Variants in DTNA observed in about 807,000 individuals in gnomAD.
The protein encoded by DTNA is dystrobrevin alpha, also known as dystrophin-related protein 3.
Under a neutral mutation model 100.7 loss-of-function variants are expected in DTNA, and 43 were observed. The ratio of observed to expected loss-of-function variants is 0.43; its 90% confidence interval spans 0.33 to 0.55. The LOEUF is 0.55. DTNA is among the 20% of genes least tolerant of loss of function. The pLI, the probability that DTNA is intolerant of heterozygous loss-of-function variation, is 0.04. For missense variants in DTNA, 798 were observed against 953.9 expected (o/e 0.84, Z 2.15); for synonymous variants, 349 against 347.9 (o/e 1.00, Z -0.04).
intron 1 of DTNA, among the ~76,000 whole-genome samples, chr18:34,536,484 A>T (rs763612397): frequency 6.6e-6 from 1 of 151,936 alleles, no homozygotes; most frequent in Non-Finnish European, 1.5e-5. Flanking sequence ...GTGATAGCTC[A>T]TTGTTTTAAA....
intron 1 of DTNA, among the ~76,000 whole-genome samples, chr18:34,497,910 A>G (rs2039433800): frequency 6.6e-6 from 1 of 152,352 alleles, no homozygotes; most frequent in Non-Finnish European, 1.5e-5. Context: ...CAAAAGTACA[A>G]GAGTATCTAT....
At chr18:34,820,637 C>G (rs924689786) in intron 8 of DTNA, among the ~76,000 whole-genome samples, 154 bp from the exon 9 acceptor site, 4 of 152,194 alleles carry the variant, frequency 2.6e-5, no homozygotes, top group South Asian at 2.1e-4. Flanking sequence ...TTCGGAAACT[C>G]TTTTCCGAGC....
intron 1 of DTNA, among the ~76,000 whole-genome samples, chr18:34,518,935 G>A (rs1233510275): frequency 6.6e-6 from 1 of 152,178 alleles, no homozygotes; most frequent in South Asian, 2.1e-4. Context: ...TGCAGGCAGA[G>A]TAGGTGTAAG....
chr18:34,799,120 A>C (rs1260689231), intron 4 of DTNA, among the ~76,000 whole-genome samples: 2 of 152,190 alleles, frequency 1.3e-5, no homozygotes, highest in Admixed American at 6.5e-5. Context: ...TTTGGACTTA[A>C]CATGTTTTAC....
At chr18:34,646,277 T>C (rs928461103) in intron 1 of DTNA, among the ~76,000 whole-genome samples, 1 of 152,204 alleles carries the variant, frequency 6.6e-6, no homozygotes, top group Non-Finnish European at 1.5e-5. Context: ...AAAAAATTCA[T>C]GTTAAGAAAT....
intron 1 of DTNA, among the ~76,000 whole-genome samples, chr18:34,602,589 C>CT (rs2052113056): frequency 6.6e-6 from 1 of 151,986 alleles, no homozygotes; most frequent in African/African-American, 2.4e-5. Context: ...GCAAGAACCT[C>CT]TAAGGCTGAG....
chr18:34,771,567 G>A (rs2093775105), intron 3 of DTNA, among the ~76,000 whole-genome samples: 1 of 152,106 alleles, frequency 6.6e-6, no homozygotes, highest in East Asian at 1.9e-4. Flanking sequence ...TTTCCAAATC[G>A]CTTCTTCCCC....
At chr18:34,577,634 T>C (rs930410510) in intron 1 of DTNA, among the ~76,000 whole-genome samples, 36 of 152,194 alleles carry the variant, frequency 2.4e-4, no homozygotes, top group African/African-American at 8.2e-4. Context: ...GTCATTCTTA[T>C]GCCTTTGCAT....
intron 3 of DTNA, among the ~76,000 whole-genome samples, chr18:34,770,312 G>T (rs1473111678): frequency 6.6e-6 from 1 of 151,920 alleles, no homozygotes; most frequent in Non-Finnish European, 1.5e-5. Flanking sequence ...CTACATAAAG[G>T]AGGAAAAAAC....
intron 1 of DTNA, among the ~76,000 whole-genome samples, chr18:34,556,197 G>A (rs1009013531): frequency 5.4e-4 from 81 of 151,306 alleles, no homozygotes; most frequent in African/African-American, 1.4e-3. Context: ...TGCAACCCCT[G>A]CCTTTTTTTG....
intron 3 of DTNA, among the ~76,000 whole-genome samples, chr18:34,770,032 T>C (rs979110691): frequency 6.6e-5 from 10 of 152,192 alleles, no homozygotes; most frequent in African/African-American, 2.4e-4. Context: ...GGGGCCTCTT[T>C]TATAAGGGCA....
chr18:34,505,806 C>T (rs1356337658), intron 1 of DTNA, among the ~76,000 whole-genome samples: 6 of 152,182 alleles, frequency 3.9e-5, no homozygotes, highest in African/African-American at 1.4e-4. Context: ...TCAAATAATT[C>T]TAACATCTCT....
At chr18:34,867,097 C>T in intron 17 of DTNA, 1 of 1,231,088 alleles carries the variant, frequency 8.1e-7, no homozygotes, top group Non-Finnish European at 1.0e-6. Context: ...CACTCACTAG[C>T]ATTATTTAAA....
intron 3 of DTNA, among the ~76,000 whole-genome samples, chr18:34,787,467 T>C (rs1168071367): frequency 2.6e-5 from 4 of 152,226 alleles, no homozygotes; most frequent in African/African-American, 4.8e-5. Flanking sequence ...AATCATAAAA[T>C]AGACTAAATC....
At chr18:34,711,292 T>C (rs915400057) in intron 1 of DTNA, among the ~76,000 whole-genome samples, 3 of 152,170 alleles carry the variant, frequency 2.0e-5, no homozygotes, top group Non-Finnish European at 2.9e-5. Context: ...AGGAGAACAA[T>C]TTCTTTAATA....
At chr18:34,504,216 A>T (rs1033559569) in intron 1 of DTNA, 1 of 151,974 alleles carries the variant, frequency 6.6e-6, no homozygotes, top group Non-Finnish European at 1.5e-5. Context: ...CATCATATAC[A>T]CATAATTTAT....
At chr18:34,583,159 T>C (rs1837327) in intron 1 of DTNA, among the ~76,000 whole-genome samples, 15,442 of 152,218 alleles carry the variant, frequency 0.1, 1,134 homozygotes, top group African/African-American at 0.2. Flanking sequence ...AGTCTTAATA[T>C]AGGGAACAAC....
At chr18:34,564,898 G>A (rs1284224582) in intron 1 of DTNA, among the ~76,000 whole-genome samples, 2 of 152,130 alleles carry the variant, frequency 1.3e-5, no homozygotes, top group Admixed American at 6.5e-5. Context: ...ATAAAGAATG[G>A]AGATTTACCA....
rs941370700 is a variant in DTNA at position 34,888,972 on chromosome 18, C to T, written c.*1238C>T. 1.0e-5 allele frequency: 10 copies of T among 985,642 alleles called. No individual in the cohort carries two copies. The African/African-American group carries it at 1.7e-4, about 17-fold the overall frequency. The allele number at this position is 985,642 out of a possible 1,614,324, so 61.1% of individuals were successfully genotyped here. On this transcript the variant is annotated 3_prime_UTR_variant, in exon 23 of 23. Coordinates refer to ENST00000444659, the MANE Select transcript of DTNA (RefSeq NM_001386795.1). ...TCTAAGTTGAGTTGGGATTTTTGCACTCAGTGAAAAGCTGAAGTGCAAAAG... is the reference window on the plus strand; with the variant it reads ...TCTAAGTTGAGTTGGGATTTTTGCATTCAGTGAAAAGCTGAAGTGCAAAAG...
Sources: allele counts gnomAD v4.1 joint callset (sites outside exome capture counted in the v4.1 genomes callset), GRCh38; gene constraint gnomAD v4.1.1; transcripts MANE v1.5; gene names NCBI Gene and HGNC (gene_info 2026-07-23, HGNC 2026-07-21).